RAB27B: variants seen among roughly 807,000 people sequenced by gnomAD.
RAB27B encodes the protein ras-related protein Rab-27B.
Under a neutral mutation model 24.6 loss-of-function variants are expected in RAB27B, and 15 were observed. The ratio of observed to expected loss-of-function variants is 0.61; its 90% confidence interval spans 0.41 to 0.94. The LOEUF (loss-of-function observed/expected upper bound fraction) is 0.94. RAB27B is among the 40% of genes least tolerant of loss of function. The pLI is 0.00. For missense variants in RAB27B, 261 were observed against 266.8 expected, an observed-to-expected ratio of 0.98 and a Z score of 0.15; for synonymous variants, 105 against 92.5, an observed-to-expected ratio of 1.14 and a Z score of -0.78.
At chr18:54,806,344 T>C (rs1445775714) in intron 2 of RAB27B, among the ~76,000 whole-genome samples, 1 of 151,400 alleles carries the variant, frequency 6.6e-6, no homozygotes, top group Non-Finnish European at 1.5e-5. Context: ...GGTGTGTTAC[T>C]GTATGGGAAG....
intron 2 of RAB27B, among the ~76,000 whole-genome samples, chr18:54,719,454 A>G (rs989060551): frequency 6.6e-6 from 1 of 152,054 alleles, no homozygotes; most frequent in African/African-American, 2.4e-5. Context: ...TACTTTTTAA[A>G]TGTAACTAAA....
At chr18:54,849,598 G>T (rs150548963) in intron 1 of RAB27B, among the ~76,000 whole-genome samples, 12 of 152,264 alleles carry the variant, frequency 7.9e-5, no homozygotes, top group African/African-American at 1.9e-4. Flanking sequence ...GCATGCTTCT[G>T]TAATTCCAGC....
chr18:54,755,254 G>T (rs1237107691), intron 2 of RAB27B, among the ~76,000 whole-genome samples: 2 of 152,116 alleles, frequency 1.3e-5, no homozygotes, highest in Non-Finnish European at 2.9e-5. Context: ...GCTGGGCATG[G>T]TGGTGCACAC....
intron 2 of RAB27B, among the ~76,000 whole-genome samples, chr18:54,796,493 T>C (rs556053264): frequency 1.2e-3 from 175 of 152,082 alleles, no homozygotes; most frequent in Non-Finnish European, 2.1e-3. Context: ...CTCAGTGAGA[T>C]GGGTGGGGAG....
At position 54,895,427 on chromosome 18, in the gene RAB27B, G is replaced by GAATCATA. The variant is rs1299958346; in HGVS notation, c.*6014_*6015insAATCATA. The GAATCATA allele has an allele frequency of 2.6e-5, 4 of 151,936 alleles. No homozygotes were observed. Among genetic ancestry groups the GAATCATA allele is most frequent in the African/African-American group, 9.7e-5 (4 of 41,406 alleles). 9.4% of individuals were successfully genotyped at this position (151,936 alleles called of 1,614,324 possible). On this transcript the variant is annotated 3_prime_UTR_variant, in exon 6 of 6. Coordinates refer to ENST00000262094, the MANE Select transcript of RAB27B (RefSeq NM_004163.4). ...AAATCATAGCATCCAATGATTTTTT[G>GAATCATA]GTGTCTGGCTATGAATACTATGGTT...
chr18:54,748,649 C>G (rs1910331726), intron 2 of RAB27B, among the ~76,000 whole-genome samples: 1 of 152,140 alleles, frequency 6.6e-6, no homozygotes, highest in Non-Finnish European at 1.5e-5. Context: ...ATGAGTAACT[C>G]AGGTGATTCT....
At chr18:54,728,875 CAAA>C (rs56161105) in intron 2 of RAB27B, among the ~76,000 whole-genome samples, 18 of 36,666 alleles carry the variant, frequency 4.9e-4, no homozygotes, top group South Asian at 2.6e-3. Flanking sequence ...GACTCTGTCT[CAAA>C]AAAAAAAAAA....
chr18:54,872,634 A>G (rs1463794263), intron 1 of RAB27B, among the ~76,000 whole-genome samples: 4 of 151,682 alleles, frequency 2.6e-5, no homozygotes, highest in Admixed American at 1.3e-4. Context: ...TTAAAAAAAA[A>G]AAAAAAGAAA....
intron 1 of RAB27B, among the ~76,000 whole-genome samples, chr18:54,837,947 C>A (rs1309943906): frequency 6.6e-6 from 1 of 151,996 alleles, no homozygotes; most frequent in Non-Finnish European, 1.5e-5. Context: ...TGAAAAATGA[C>A]AAGTCGTGTC....
intron 2 of RAB27B, among the ~76,000 whole-genome samples, chr18:54,731,770 C>T (rs1321928333): frequency 6.6e-6 from 1 of 152,052 alleles, no homozygotes; most frequent in Non-Finnish European, 1.5e-5. Flanking sequence ...TACTAGGTTC[C>T]AACACAAAGC....
intron 2 of RAB27B, among the ~76,000 whole-genome samples, chr18:54,810,699 G>A (rs746709366): frequency 1.1e-4 from 17 of 151,760 alleles, no homozygotes; most frequent in Non-Finnish European, 1.0e-4. Context: ...GTGTGGTGGC[G>A]GGCACCTGTA....
At chr18:54,826,795 A>C (rs546366481), upstream of RAB27B, among the ~76,000 whole-genome samples, 150 of 152,298 alleles carry the variant, frequency 9.8e-4, 1 homozygote, top group African/African-American at 3.5e-3. Flanking sequence ...CGACTTTCTC[A>C]ACCTCAGTTA....
chr18:54,828,208 G>A (rs1043414448), upstream of RAB27B: 1 of 152,100 alleles, frequency 6.6e-6, no homozygotes, highest in African/African-American at 2.4e-5. Context: ...CAGCGCCCTG[G>A]GCTCTTTGAA....
intron 2 of RAB27B, among the ~76,000 whole-genome samples, chr18:54,812,185 CATG>C (rs766901986): frequency 6.6e-6 from 1 of 152,076 alleles, no homozygotes; most frequent in Non-Finnish European, 1.5e-5. Flanking sequence ...AAAAGATAAA[CATG>C]TTGTTGTATT....
intron 2 of RAB27B, among the ~76,000 whole-genome samples, chr18:54,748,615 T>G (rs1370437298): frequency 6.6e-6 from 1 of 152,102 alleles, no homozygotes; most frequent in African/African-American, 2.4e-5. Flanking sequence ...CCAACCTGGG[T>G]TGAGGCACAA....
At chr18:54,839,150 C>A (rs1442859140) in intron 1 of RAB27B, among the ~76,000 whole-genome samples, 1 of 151,990 alleles carries the variant, frequency 6.6e-6, no homozygotes, top group African/African-American at 2.4e-5. Flanking sequence ...GATGTTAAAC[C>A]CTTGACTAAA....
At chr18:54,790,369 T>C (rs891376760) in intron 2 of RAB27B, among the ~76,000 whole-genome samples, 1 of 152,168 alleles carries the variant, frequency 6.6e-6, no homozygotes, top group Non-Finnish European at 1.5e-5. Flanking sequence ...TGAAAAATTA[T>C]TCCTTTTCAA....
At chr18:54,787,031 C>T (rs1291988383) in intron 2 of RAB27B, among the ~76,000 whole-genome samples, 4 of 152,212 alleles carry the variant, frequency 2.6e-5, no homozygotes, top group Non-Finnish European at 5.9e-5. Context: ...GGCAATTTAA[C>T]AGTTCAAGAC....
intron 2 of RAB27B, among the ~76,000 whole-genome samples, chr18:54,764,071 A>G (rs1908282021): frequency 6.6e-6 from 1 of 152,090 alleles, no homozygotes; most frequent in South Asian, 2.1e-4. Context: ...CCCATTATAT[A>G]TACTTATGAA....
Sources: allele counts gnomAD v4.1 joint callset (sites outside exome capture counted in the v4.1 genomes callset), GRCh38; gene constraint gnomAD v4.1.1; transcripts MANE v1.5; gene names NCBI Gene and HGNC (gene_info 2026-07-23, HGNC 2026-07-21).